The following EDA variants were observed in gnomAD, a reference collection of about 807,000 sequenced individuals.
EDA encodes the protein ectodysplasin A, also known as ectodysplasin-A.
In EDA, 2 loss-of-function variants were observed where a neutral mutation model predicts 23.6. The observed-to-expected ratio is 0.08, with a 90% CI of 0.03 to 0.27. EDA has a LOEUF of 0.27. EDA is among the 10% of genes least tolerant of loss of function. The pLI is 1.00. For synonymous variants in EDA, 131 were observed against 132.0 expected (o/e 0.99, Z 0.05); for missense variants, 229 against 324.2 (o/e 0.71, Z 2.26).
intron 1 of EDA, among the ~76,000 whole-genome samples, chrX:69,807,961 G>C (rs2015853518): frequency 9.0e-6 from 1 of 111,437 alleles, no homozygotes; most frequent in African/African-American, 3.3e-5. Flanking sequence ...GTAAAATAGG[G>C]CTAAGAAAAG....
intron 2 of EDA, among the ~76,000 whole-genome samples, chrX:70,015,135 A>G (rs764815104): frequency 8.9e-6 from 1 of 112,035 alleles, no homozygotes; most frequent in African/African-American, 3.2e-5. Context: ...TCCAAGGTCA[A>G]CATGAAAGAA....
At chrX:69,636,052 A>G (rs565829154) in intron 1 of EDA, among the ~76,000 whole-genome samples, 3 of 110,426 alleles carry the variant, frequency 2.7e-5, no homozygotes, top group Admixed American at 1.9e-4. Context: ...ACTATAACAC[A>G]CTGTACTCTA....
At chrX:69,663,334 C>T (rs938397915) in intron 1 of EDA, among the ~76,000 whole-genome samples, 4 of 112,160 alleles carry the variant, frequency 3.6e-5, no homozygotes, top group African/African-American at 1.3e-4. Context: ...TGTCCTGTGT[C>T]CCAGCTGCTT....
At chrX:69,635,284 A>T (rs1396863930) in intron 1 of EDA, among the ~76,000 whole-genome samples, 2 of 112,038 alleles carry the variant, frequency 1.8e-5, no homozygotes, top group African/African-American at 6.5e-5. Flanking sequence ...ATGATTTTGA[A>T]GCCAAGATCT....
intron 1 of EDA, among the ~76,000 whole-genome samples, chrX:69,627,551 A>G (rs1262760881): frequency 9.0e-6 from 1 of 111,697 alleles, no homozygotes; most frequent in Non-Finnish European, 1.9e-5. Context: ...CCATGGGCAT[A>G]TATAGTTTAT....
Position 69,920,223 on chromosome X carries a change from G to A in EDA, c.397-36804G>A, listed in dbSNP as rs376094833. 5.4e-5 allele frequency among the ~76,000 whole-genome samples: 6 copies of A among 110,282 alleles called. No homozygotes were observed. The South Asian group carries it at 1.9e-3, about 35-fold the overall frequency. ...TTTTAAATAAAATTTTTATATAAAC[G>A]TTTAATGTTATAATAGTTTTACATT... On this transcript the variant is annotated intron_variant, in intron 1 of 7. Coordinates refer to ENST00000374552, the MANE Select transcript of EDA (RefSeq NM_001399.5).
At chrX:69,649,052 CT>C (rs1190212533) in intron 1 of EDA, among the ~76,000 whole-genome samples, 2 of 111,738 alleles carry the variant, frequency 1.8e-5, no homozygotes, top group African/African-American at 6.5e-5. Flanking sequence ...TCCCTCTCTA[CT>C]TTTCTTCATT....
intron 1 of EDA, among the ~76,000 whole-genome samples, chrX:69,930,152 G>A (rs2018578958): frequency 8.9e-6 from 1 of 111,843 alleles, no homozygotes; most frequent in South Asian, 3.7e-4. Context: ...CACTGTATTT[G>A]ACTAGAGCAA....
chrX:69,894,387 G>A (rs906980802), intron 1 of EDA, among the ~76,000 whole-genome samples: 2 of 111,381 alleles, frequency 1.8e-5, no homozygotes, highest in Non-Finnish European at 3.8e-5. Context: ...TTGGCTATTC[G>A]AGCTCCTTTT....
In EDA at chrX:69,817,624, G is replaced by A. The variant is rs185410751; in HGVS notation, c.397-139403G>A. On this transcript the variant is annotated intron_variant, in intron 1 of 7. Transcript: ENST00000374552. Reference sequence around the variant, plus strand: ...AACCAAGATTTTAAAAAAGACAAGGGCATTACATAATAGTAAAGGATTCAA... The same window carrying A: ...AACCAAGATTTTAAAAAAGACAAGGACATTACATAATAGTAAAGGATTCAA... Among the ~76,000 whole-genome samples, 19 of 111,938 alleles carry A rather than the reference G, an allele frequency of 1.7e-4. No individual in the cohort carries two copies. In the Admixed American group the frequency reaches 1.8e-3, roughly 11 times the overall value.
At position 69,820,172 on chromosome X, in the gene EDA, G is replaced by A. The variant is rs1480069315; in HGVS notation, c.397-136855G>A. Among the ~76,000 whole-genome samples the A allele has an allele frequency of 5.4e-5, 6 of 111,667 alleles. No homozygotes were observed. The Admixed American group carries it at 5.7e-4, about 11-fold the overall frequency. ...GACTCCCTATTTAGTAATTGGTGCT[G>A]AGAGTTCTATCTAGCCATATGTGGA... On this transcript the variant is annotated intron_variant, in intron 1 of 7. Coordinates refer to ENST00000374552, the MANE Select transcript of EDA (RefSeq NM_001399.5).
In EDA at chrX:69,905,852, T is replaced by C. The variant is rs1165609991; in HGVS notation, c.397-51175T>C. ...TCCATGAGGGAGGAGACTATCCTGT[T>C]TGCCTTATTCACTGCTATAAATTTC... On this transcript the variant is annotated intron_variant, in intron 1 of 7. Transcript: ENST00000374552. Among the ~76,000 whole-genome samples, 7 of 111,555 alleles carry C rather than the reference T, an allele frequency of 6.3e-5. No homozygotes were observed. The East Asian group carries it at 2.0e-3, about 31-fold the overall frequency.
chrX:70,020,629 T>C (rs373985478), intron 2 of EDA, among the ~76,000 whole-genome samples: 1 of 111,997 alleles, frequency 8.9e-6, no homozygotes, highest in East Asian at 2.8e-4. Flanking sequence ...AATGTACATA[T>C]AAATTGTTTA....
At chrX:69,763,938 C>T (rs1012753828) in intron 1 of EDA, among the ~76,000 whole-genome samples, 1 of 111,278 alleles carries the variant, frequency 9.0e-6, no homozygotes, top group East Asian at 2.8e-4. Context: ...ACCAGACTAG[C>T]GTTGACCTGC....
intron 1 of EDA, among the ~76,000 whole-genome samples, chrX:69,802,819 C>T (rs893002012): frequency 3.6e-5 from 4 of 111,904 alleles, no homozygotes; most frequent in East Asian, 2.8e-4. Flanking sequence ...AAGAAAAATA[C>T]GCATAAAGGC....
intron 1 of EDA, among the ~76,000 whole-genome samples, chrX:69,862,687 C>T (rs757214886): frequency 1.8e-5 from 2 of 111,215 alleles, no homozygotes; most frequent in African/African-American, 6.5e-5. Flanking sequence ...TGAGCAAACC[C>T]CTCTCCTCGG....
chrX:69,662,035 A>G (rs758208418), intron 1 of EDA, among the ~76,000 whole-genome samples: 2 of 111,138 alleles, frequency 1.8e-5, no homozygotes, highest in South Asian at 3.8e-4. Context: ...TTTATTACAT[A>G]TACTCCTCAT....
At chrX:69,733,446 A>G (rs2013120885) in intron 1 of EDA, among the ~76,000 whole-genome samples, 2 of 110,834 alleles carry the variant, frequency 1.8e-5, no homozygotes, top group Admixed American at 9.6e-5. Context: ...GCTCTGTTCT[A>G]TTCCGTTGGT....
At chrX:69,937,054 G>T in intron 1 of EDA, 1 of 503,928 alleles carries the variant, frequency 2.0e-6, no homozygotes, top group East Asian at 3.6e-5. Context: ...TGAAAGGGCG[G>T]GGGGAAGGGA....
Sources: gnomAD v4.1 joint callset for allele counts (sites outside exome capture counted in the v4.1 genomes callset) on GRCh38, gnomAD v4.1.1 for gene constraint, MANE v1.5 for transcripts, NCBI Gene and HGNC (gene_info 2026-07-23, HGNC 2026-07-21) for gene names.